FAM184A: variants seen among roughly 807,000 people sequenced by gnomAD.
The protein encoded by FAM184A is protein FAM184A.
Under a neutral mutation model 143.8 loss-of-function variants are expected in FAM184A, and 99 were observed. The observed-to-expected ratio is 0.69, with a 90% confidence interval of 0.58 to 0.81. The LOEUF (loss-of-function observed/expected upper bound fraction) is 0.81. Ranked by LOEUF, FAM184A falls within the 40% of genes least tolerant of loss-of-function variation. The pLI is 0.00. For missense variants in FAM184A, 1,217 were observed against 1,310.5 expected (o/e 0.93, Z 1.10); for synonymous variants, 427 against 446.4 (o/e 0.96, Z 0.55).
At chr6:119,064,876 C>T (rs1048505854) in intron 1 of FAM184A, among the ~76,000 whole-genome samples, 2 of 152,176 alleles carry the variant, frequency 1.3e-5, no homozygotes, top group Non-Finnish European at 2.9e-5. Context: ...ACCAACTACA[C>T]ATGATTTTAA....
intron 1 of FAM184A, among the ~76,000 whole-genome samples, chr6:119,100,053 T>G (rs529165919): frequency 6.6e-6 from 1 of 152,306 alleles, no homozygotes; most frequent in South Asian, 2.1e-4. Flanking sequence ...TCCAGGTAGG[T>G]GGTGTCAGAA....
rs1786790265 is a variant in FAM184A, at chr6:119,052,050, AC to A, written c.159+26090del. ...CTCCCTGAACATCTCCTGAGGTACG[AC>A]TGCAGTCTCTCACATAGTGATCTCT... On this transcript the variant is annotated intron_variant, in intron 1 of 17. Transcript: ENST00000338891. Among the ~76,000 whole-genome samples the A allele has an allele frequency of 5.3e-5, 8 of 152,278 alleles. No homozygotes were observed. The South Asian group carries it at 1.7e-3, about 32-fold the overall frequency.
intron 9 of FAM184A, among the ~76,000 whole-genome samples, chr6:118,997,776 G>C (rs1192136523): frequency 1.3e-5 from 2 of 152,092 alleles, no homozygotes; most frequent in Non-Finnish European, 2.9e-5. Flanking sequence ...TCATGATCTA[G>C]ATAGTCTGCA....
At chr6:119,071,439 C>T (rs930012633) in intron 1 of FAM184A, among the ~76,000 whole-genome samples, 5 of 152,138 alleles carry the variant, frequency 3.3e-5, no homozygotes, top group African/African-American at 7.2e-5. Context: ...TTAATAAAAA[C>T]ATGAAAATAT....
intron 14 of FAM184A, 97 bp from the exon 15 acceptor site, chr6:118,967,049 A>G (rs1027834038): frequency 1.7e-6 from 1 of 591,162 alleles, no homozygotes; most frequent in Non-Finnish European, 2.9e-6. Flanking sequence ...ACACACACAA[A>G]AATCTGAAAC....
intron 5 of FAM184A, among the ~76,000 whole-genome samples, chr6:119,015,406 C>T (rs1785211628): frequency 1.3e-5 from 2 of 152,102 alleles, no homozygotes; most frequent in South Asian, 4.1e-4. Context: ...GCTTGGCGGG[C>T]CCCACACTCA....
intron 1 of FAM184A, among the ~76,000 whole-genome samples, chr6:119,117,198 T>G (rs1170066498): frequency 6.6e-6 from 1 of 152,108 alleles, no homozygotes; most frequent in Non-Finnish European, 1.5e-5. Context: ...TCATTTTGTG[T>G]GTAAGGGTGA....
chr6:119,060,126 A>C (rs1019500910), intron 1 of FAM184A, among the ~76,000 whole-genome samples: 2 of 152,230 alleles, frequency 1.3e-5, no homozygotes, highest in African/African-American at 4.8e-5. Flanking sequence ...ATTTAGTTAA[A>C]ACCAGGTACT....
At chr6:119,095,428 C>A (rs1788479753) in intron 1 of FAM184A, among the ~76,000 whole-genome samples, 1 of 152,184 alleles carries the variant, frequency 6.6e-6, no homozygotes, top group African/African-American at 2.4e-5. Flanking sequence ...GTTATCCAAT[C>A]CCTTGCTCCT....
chr6:118,968,617 G>C, intron 14 of FAM184A, among the ~76,000 whole-genome samples: 1 of 152,158 alleles, frequency 6.6e-6, no homozygotes, highest in East Asian at 1.9e-4. Flanking sequence ...AACCACAAGA[G>C]GTCACTGGAG....
rs370619428 is a variant in FAM184A at position 119,124,749 on chromosome 6, G to A, written c.-202+24329C>T. Among the ~76,000 whole-genome samples, 214 of 41,886 alleles carry A rather than the reference G, an allele frequency of 5.1e-3. 1 individual carries two copies. Among genetic ancestry groups the A allele is most frequent in the African/African-American group, 0.017 (206 of 12,064 alleles). The allele number at this position is 41,886 out of a possible 152,430, so 27.5% of individuals were successfully genotyped here. ...CAATTAGAAGATCAAATAAACTATG[G>A]CCCTAATTTTTTTTTTTTATATCTT... On this transcript the variant is annotated intron_variant, in intron 1 of 16. Transcript: ENST00000352896.
At chr6:119,088,068 G>T (rs1374791468) in intron 1 of FAM184A, among the ~76,000 whole-genome samples, 1 of 152,166 alleles carries the variant, frequency 6.6e-6, no homozygotes, top group Non-Finnish European at 1.5e-5. Flanking sequence ...TAGAATGGTG[G>T]TTTCCAGGGG....
chr6:119,100,324 G>T (rs903622559), intron 1 of FAM184A, among the ~76,000 whole-genome samples: 1 of 152,118 alleles, frequency 6.6e-6, no homozygotes, highest in African/African-American at 2.4e-5. Flanking sequence ...AGTAATTGGG[G>T]CTCACTATCA....
intron 1 of FAM184A, among the ~76,000 whole-genome samples, chr6:119,061,924 T>C (rs1437572207): frequency 6.6e-6 from 1 of 151,794 alleles, no homozygotes; most frequent in Non-Finnish European, 1.5e-5. Context: ...AAGAAAAAAA[T>C]AGGGGCAAGG....
chr6:119,080,794 G>A (rs1003957602), upstream of FAM184A, among the ~76,000 whole-genome samples: 2 of 152,052 alleles, frequency 1.3e-5, no homozygotes, highest in South Asian at 2.1e-4. Context: ...TGGGATGCTC[G>A]GTTGGTAAGA....
At chr6:118,985,030 G>A (rs990867464) in intron 9 of FAM184A, among the ~76,000 whole-genome samples, 1 of 152,212 alleles carries the variant, frequency 6.6e-6, no homozygotes, top group African/African-American at 2.4e-5. Context: ...GGTAACTGGT[G>A]TTAATATTTT....
At chr6:119,113,278 C>T (rs768288198) in intron 1 of FAM184A, among the ~76,000 whole-genome samples, 2 of 152,196 alleles carry the variant, frequency 1.3e-5, no homozygotes, top group Non-Finnish European at 2.9e-5. Context: ...CTCAACCTGC[C>T]TCCTAATTTC....
chr6:119,133,611 C>A (rs531744446), intron 1 of FAM184A, among the ~76,000 whole-genome samples: 5 of 150,652 alleles, frequency 3.3e-5, no homozygotes, highest in African/African-American at 1.2e-4. Flanking sequence ...AGGTAGGCTG[C>A]CCCAAGAAAT....
intron 1 of FAM184A, among the ~76,000 whole-genome samples, chr6:119,083,829 T>C (rs1788140253): frequency 6.6e-6 from 1 of 152,206 alleles, no homozygotes; most frequent in South Asian, 2.1e-4. Flanking sequence ...GTTCCAGTTC[T>C]GCCTGTTACC....
Sources: gnomAD v4.1 joint callset for allele counts (sites outside exome capture counted in the v4.1 genomes callset) on GRCh38, gnomAD v4.1.1 for gene constraint, MANE v1.5 for transcripts, NCBI Gene and HGNC (gene_info 2026-07-23, HGNC 2026-07-21) for gene names.